BHMT: variants seen among roughly 807,000 people sequenced by gnomAD.
BHMT encodes the protein betaine--homocysteine S-methyltransferase, also known as betaine--homocysteine S-methyltransferase 1.
BHMT carries 38 observed loss-of-function variants against 49.5 expected under a neutral mutation model. That is an observed-to-expected ratio of 0.77 (90% CI 0.59 to 1.01). The LOEUF is 1.01. BHMT is among the 50% of genes least tolerant of loss of function. BHMT has a pLI of 0.00. For missense variants in BHMT, 426 were observed against 495.7 expected, an observed-to-expected ratio of 0.86 and a Z score of 1.34; for synonymous variants, 166 against 176.3, an observed-to-expected ratio of 0.94 and a Z score of 0.46.
chr5:79,127,645 G>A, intron 6 of BHMT, 110 bp from the exon 7 acceptor site: 1 of 1,371,932 alleles, frequency 7.3e-7, no homozygotes, highest in Admixed American at 2.8e-5. Context: ...TGTAAAAATT[G>A]AATATTGAAA....
At chr5:79,127,474 A>G (rs1226358501) in intron 6 of BHMT, among the ~76,000 whole-genome samples, 2 of 152,170 alleles carry the variant, frequency 1.3e-5, no homozygotes, top group Non-Finnish European at 2.9e-5. Context: ...GTTCTGCCAT[A>G]TTCTATGGAT....
At chr5:79,118,869 C>T (rs1756424583) in intron 2 of BHMT, among the ~76,000 whole-genome samples, 1 of 152,244 alleles carries the variant, frequency 6.6e-6, no homozygotes, top group Non-Finnish European at 1.5e-5. Context: ...ATCCCTTCTT[C>T]CTGCATAGCC....
chr5:79,114,574 T>G (rs1198857625), intron 1 of BHMT, among the ~76,000 whole-genome samples: 1 of 152,230 alleles, frequency 6.6e-6, no homozygotes, highest in African/African-American at 2.4e-5. Context: ...CCACTGTTAT[T>G]GGTAGTAAGT....
At chr5:79,126,755 T>G (rs1756558477) in intron 6 of BHMT, among the ~76,000 whole-genome samples, 2 of 152,106 alleles carry the variant, frequency 1.3e-5, no homozygotes, top group African/African-American at 4.8e-5. Flanking sequence ...ATAACAAGTT[T>G]TAATGAAGAG....
At chr5:79,125,768 TAAAA>T (rs1013587057) in intron 5 of BHMT, among the ~76,000 whole-genome samples, 3 of 151,616 alleles carry the variant, frequency 2.0e-5, no homozygotes, top group African/African-American at 7.3e-5. Context: ...CCCATATCTA[TAAAA>T]AAACAAACAA....
intron 5 of BHMT, among the ~76,000 whole-genome samples, chr5:79,122,654 G>A (rs542553166): frequency 1.3e-5 from 2 of 151,700 alleles, no homozygotes; most frequent in South Asian, 2.1e-4. Flanking sequence ...TCCAGACTTG[G>A]ATATTGTGGA....
chr5:79,129,011 G>A (rs571975143), intron 7 of BHMT, among the ~76,000 whole-genome samples: 129 of 152,274 alleles, frequency 8.5e-4, no homozygotes, highest in Middle Eastern at 3.4e-3. Flanking sequence ...TTAAAAGAAG[G>A]GTTTTGGGGC....
intron 4 of BHMT, 53 bp downstream of exon 4, chr5:79,120,594 T>G: frequency 6.7e-7 from 1 of 1,502,208 alleles, no homozygotes; most frequent in Non-Finnish European, 8.9e-7. Context: ...ACATTTTCTC[T>G]ACCTTTTGCT....
chr5:79,117,211 T>G (rs1303605490), intron 2 of BHMT, among the ~76,000 whole-genome samples: 1 of 152,236 alleles, frequency 6.6e-6, no homozygotes, highest in South Asian at 2.1e-4. Context: ...GTAAAATGTA[T>G]TTATACATAA....
rs750220015 is a variant in BHMT, at chr5:79,126,074, C to G, written c.654C>G (p.His218Gln). 6.2e-7 allele frequency: 1 copy of G among 1,609,072 alleles called. No homozygotes were observed. Among genetic ancestry groups the G allele is most frequent in the Non-Finnish European group, 8.5e-7 (1 of 1,175,726 alleles). ...AGASIIGVNC[H>Q]FDPTISLKTV... Reference sequence around the variant, plus strand: ...CATCCATCATTGGTGTGAACTGCCACTTTGACCCCACCATTAGTTTAAAAA... The same window carrying G: ...CATCCATCATTGGTGTGAACTGCCAGTTTGACCCCACCATTAGTTTAAAAA... The change falls in exon 6 of 8, where the codon CAC becomes CAG. Residue 218 changes from histidine (H) to glutamine (Q), a missense_variant. Coordinates refer to ENST00000274353, the MANE Select transcript of BHMT (RefSeq NM_001713.3).
chr5:79,112,408 C>CGAGCGCCCTCTGCACCCG (rs1207188728), intron 1 of BHMT, among the ~76,000 whole-genome samples: 14 of 152,206 alleles, frequency 9.2e-5, no homozygotes, highest in Non-Finnish European at 1.8e-4. Context: ...GAGGCCGCCG[C>CGAGCGCCCTCTGCACCCG]GAGCGCCCTC....
chr5:79,124,472 A>G (rs1756518487), intron 5 of BHMT, among the ~76,000 whole-genome samples: 1 of 152,108 alleles, frequency 6.6e-6, no homozygotes, highest in Non-Finnish European at 1.5e-5. Context: ...CAAAAAAAAA[A>G]AAAGGAAAGA....
chr5:79,120,455 T>C lies in BHMT; in HGVS notation c.391T>C (p.Cys131Arg), dbSNP rs761703165. The change falls in exon 4 of 8, where the codon TGC becomes CGC. Residue 131 changes from cysteine (C) to arginine (R), a missense_variant. Cys to Arg is a radical substitution (Grantham distance 180). Coordinates refer to ENST00000274353, the MANE Select transcript of BHMT (RefSeq NM_001713.3). Reference sequence around the variant, plus strand: ...GAGTCAGACACCTTCATACCTTAGCTGCAAGAGTGAAACTGAAGTCAAAAA... The same window carrying C: ...GAGTCAGACACCTTCATACCTTAGCCGCAAGAGTGAAACTGAAGTCAAAAA... ...GVSQTPSYLS[C>R]KSETEVKKVF... The C allele has an allele frequency of 5.0e-6, 8 of 1,614,126 alleles. No individual in the cohort carries two copies. Among genetic ancestry groups the C allele is most frequent in the Non-Finnish European group, 5.9e-6 (7 of 1,180,014 alleles).
At chr5:79,111,942 G>C in intron 1 of BHMT, 24 bp downstream of exon 1, 1 of 1,576,058 alleles carries the variant, frequency 6.3e-7, no homozygotes, top group Non-Finnish European at 8.6e-7. Context: ...GGACCCGAGG[G>C]CGCTCTCCTT....
At chr5:79,112,673 G>A (rs1239980739) in intron 1 of BHMT, among the ~76,000 whole-genome samples, 2 of 152,238 alleles carry the variant, frequency 1.3e-5, no homozygotes, top group East Asian at 3.8e-4. Context: ...AAGATACTGA[G>A]GAAGGGCTGT....
chr5:79,116,920 C>T (rs1446827809), intron 2 of BHMT, among the ~76,000 whole-genome samples: 1 of 152,146 alleles, frequency 6.6e-6, no homozygotes, highest in African/African-American at 2.4e-5. Flanking sequence ...AAATTACCAG[C>T]CTCATTCTCT....
At chr5:79,115,309 A>T (rs1756369417) in intron 1 of BHMT, among the ~76,000 whole-genome samples, 1 of 152,024 alleles carries the variant, frequency 6.6e-6, no homozygotes, top group Non-Finnish European at 1.5e-5. Context: ...CTAAGAAAAA[A>T]AAAAAAAAAT....
intron 2 of BHMT, 186 bp downstream of exon 2, chr5:79,116,085 G>A (rs566393266): frequency 7.0e-6 from 4 of 572,810 alleles, no homozygotes; most frequent in African/African-American, 1.9e-5. Flanking sequence ...GGACATGGTG[G>A]TGCACTCCTG....
intron 6 of BHMT, among the ~76,000 whole-genome samples, chr5:79,127,135 G>A (rs1458858459): frequency 6.6e-6 from 1 of 152,128 alleles, no homozygotes; most frequent in Non-Finnish European, 1.5e-5. Flanking sequence ...AGCATAACTA[G>A]GTGGTTTTGG....
Sources: allele counts gnomAD v4.1 joint callset (sites outside exome capture counted in the v4.1 genomes callset), GRCh38; gene constraint gnomAD v4.1.1; transcripts MANE v1.5; gene names NCBI Gene and HGNC (gene_info 2026-07-23, HGNC 2026-07-21).